The following TTC7A variants were observed in gnomAD, a reference collection of about 807,000 sequenced individuals.
The protein encoded by TTC7A is tetratricopeptide repeat domain 7A.
TTC7A carries 110 observed loss-of-function variants against 103.7 expected under a neutral mutation model. The observed-to-expected ratio is 1.06, with a 90% CI of 0.91 to 1.24. The LOEUF (loss-of-function observed/expected upper bound fraction) is 1.24, where lower values mean the gene tolerates loss of function less well. TTC7A is among the 50% of genes most tolerant of loss of function. The probability of loss-of-function intolerance (pLI) is 0.00; values close to 1 mark genes in which losing one functional copy is unlikely to be tolerated. For missense variants in TTC7A, 1,340 were observed against 1,116.3 expected, an observed-to-expected ratio of 1.20 and a Z score of -2.86; for synonymous variants, 521 against 467.9, an observed-to-expected ratio of 1.11 and a Z score of -1.47.
intron 3 of TTC7A, among the ~76,000 whole-genome samples, chr2:46,974,045 A>C (rs1205389877): frequency 3.3e-5 from 5 of 152,228 alleles, no homozygotes; most frequent in African/African-American, 1.2e-4. Flanking sequence ...TGATAGGCTC[A>C]ATCGTCCAAA....
At chr2:47,014,771 G>T (rs529433454) in intron 11 of TTC7A, among the ~76,000 whole-genome samples, 1 of 152,356 alleles carries the variant, frequency 6.6e-6, no homozygotes, top group East Asian at 1.9e-4. Flanking sequence ...TGGTCAATTT[G>T]GCCTGGGTTG....
In TTC7A at chr2:46,982,440, C is replaced by G. The variant is rs576349817; in HGVS notation, c.764+3533C>G. 7.9e-5 allele frequency among the ~76,000 whole-genome samples: 12 copies of G among 152,258 alleles called. No homozygotes were observed. In the South Asian group the frequency reaches 1.9e-3, roughly 24 times the overall value. Reference sequence around the variant, plus strand: ...GAAACAGGCTGCCTCCCTTTCTCTCCTCATGCCTGGCAGACAGGAGAGTGA... The same window carrying G: ...GAAACAGGCTGCCTCCCTTTCTCTCGTCATGCCTGGCAGACAGGAGAGTGA... On this transcript the variant is annotated intron_variant, in intron 5 of 19. Transcript: ENST00000319190.
intron 15 of TTC7A, among the ~76,000 whole-genome samples, chr2:47,033,957 A>C (rs1487210238): frequency 6.6e-6 from 1 of 152,212 alleles, no homozygotes; most frequent in Admixed American, 6.5e-5. Flanking sequence ...CCATACAGGC[A>C]GCCTCTAGGC....
At chr2:46,945,724 C>T (rs931763298) in intron 1 of TTC7A, among the ~76,000 whole-genome samples, 1 of 146,468 alleles carries the variant, frequency 6.8e-6, no homozygotes, top group Non-Finnish European at 1.5e-5. Flanking sequence ...TCACCCTCCC[C>T]GCCGCCCCAC....
chr2:46,956,736 GT>G, intron 2 of TTC7A, 102 bp from the exon 3 acceptor site: 2 of 1,297,832 alleles, frequency 1.5e-6, no homozygotes, highest in Non-Finnish European at 2.2e-6. Flanking sequence ...GAGGAGGGGA[GT>G]TCTGAGCAAG....
intron 3 of TTC7A, among the ~76,000 whole-genome samples, chr2:46,967,556 G>C (rs575761139): frequency 9.2e-5 from 14 of 152,204 alleles, no homozygotes; most frequent in Middle Eastern, 3.4e-3. Flanking sequence ...TGTCCTCAAG[G>C]CTTATCCATA....
At chr2:47,041,242 C>G (rs756169323) in intron 15 of TTC7A, among the ~76,000 whole-genome samples, 6 of 152,212 alleles carry the variant, frequency 3.9e-5, no homozygotes, top group Non-Finnish European at 8.8e-5. Flanking sequence ...CCGGCCCACA[C>G]TGCAGCTATG....
intron 1 of TTC7A, among the ~76,000 whole-genome samples, chr2:46,945,592 T>C (rs2103929627): frequency 6.6e-6 from 1 of 152,272 alleles, no homozygotes; most frequent in Admixed American, 6.5e-5. Context: ...GATTTCACTA[T>C]GTGGTCCAGT....
intron 3 of TTC7A, chr2:46,958,659 C>A: frequency 1.4e-6 from 1 of 722,266 alleles, no homozygotes; most frequent in Non-Finnish European, 2.0e-6. Context: ...TCCTCTCTGC[C>A]TGTCCTCCTC....
At chr2:46,974,515 CTA>C (rs1190273905) in intron 3 of TTC7A, 1 of 373,830 alleles carries the variant, frequency 2.7e-6, no homozygotes, top group Non-Finnish European at 5.3e-6. Flanking sequence ...TCTGGAGCTT[CTA>C]AGTCAGCACA....
chr2:47,069,324 A>G (rs1684465059), intron 19 of TTC7A, among the ~76,000 whole-genome samples: 1 of 152,122 alleles, frequency 6.6e-6, no homozygotes, highest in South Asian at 2.1e-4. Context: ...AAAACAGACA[A>G]CCCTTAGCCC....
intron 3 of TTC7A, among the ~76,000 whole-genome samples, chr2:46,972,248 T>G (rs903644749): frequency 1.3e-5 from 2 of 152,232 alleles, no homozygotes; most frequent in African/African-American, 4.8e-5. Context: ...CATACAGCAT[T>G]AATTTCTAGT....
intron 2 of TTC7A, among the ~76,000 whole-genome samples, chr2:46,951,347 C>G (rs1415340441): frequency 2.6e-5 from 4 of 152,096 alleles, no homozygotes; most frequent in Non-Finnish European, 4.4e-5. Flanking sequence ...GAATTAGAAT[C>G]TGTGTTTTAA....
chr2:47,047,179 C>T (rs1049103306), intron 16 of TTC7A: 3 of 761,114 alleles, frequency 3.9e-6, no homozygotes, highest in Non-Finnish European at 6.6e-6. Context: ...CTTCCTGATC[C>T]TCTTGTCCTT....
intron 3 of TTC7A, among the ~76,000 whole-genome samples, chr2:46,971,960 TAGGGAGGGAGGGAGGC>T (rs1329295409): frequency 1.9e-5 from 2 of 108,060 alleles, no homozygotes; most frequent in Admixed American, 9.8e-5. Flanking sequence ...GGGACGGAGG[TAGGGAGGGAGGGAGGC>T]AGGGAGGGAG....
chr2:46,975,871 G>A (rs889714749), intron 4 of TTC7A, among the ~76,000 whole-genome samples: 2 of 151,982 alleles, frequency 1.3e-5, no homozygotes, highest in Non-Finnish European at 2.9e-5. Flanking sequence ...CGAGTAGCTG[G>A]GACTACAGGC....
At chr2:46,987,033 G>A (rs1228440474) in intron 5 of TTC7A, among the ~76,000 whole-genome samples, 1 of 152,208 alleles carries the variant, frequency 6.6e-6, no homozygotes, top group Non-Finnish European at 1.5e-5. Flanking sequence ...GATGGCTCTT[G>A]CCCCTTGCTC....
intron 3 of TTC7A, among the ~76,000 whole-genome samples, chr2:46,965,385 A>G (rs1436060504): frequency 6.6e-6 from 1 of 152,144 alleles, no homozygotes; most frequent in African/African-American, 2.4e-5. Flanking sequence ...TCACATGGAC[A>G]GGAGCTCAGT....
chr2:46,972,514 C>CT (rs1049611303), intron 3 of TTC7A, among the ~76,000 whole-genome samples: 1 of 152,178 alleles, frequency 6.6e-6, no homozygotes, highest in African/African-American at 2.4e-5. Flanking sequence ...CTGGTACCAG[C>CT]TTAACAACCC....
Sources: allele counts gnomAD v4.1 joint callset (sites outside exome capture counted in the v4.1 genomes callset), GRCh38; gene constraint gnomAD v4.1.1; transcripts MANE v1.5; gene names NCBI Gene and HGNC (gene_info 2026-07-23, HGNC 2026-07-21).